Variants in PACRG observed in about 807,000 individuals in gnomAD.
The protein encoded by PACRG is parkin coregulated gene protein.
PACRG carries 29 observed loss-of-function variants against 29.7 expected under a neutral mutation model. The ratio of observed to expected loss-of-function variants is 0.98; its 90% CI spans 0.73 to 1.33. PACRG has a LOEUF of 1.33. PACRG is among the 40% of genes most tolerant of loss of function. The pLI is 0.00. For missense variants in PACRG, 279 were observed against 316.2 expected (o/e 0.88, Z 0.89); for synonymous variants, 116 against 118.7 (o/e 0.98, Z 0.15).
At chr6:162,807,461 T>G (rs1422879108) in intron 1 of PACRG, among the ~76,000 whole-genome samples, 2 of 152,262 alleles carry the variant, frequency 1.3e-5, no homozygotes, top group South Asian at 4.2e-4. Flanking sequence ...TTAGGAGCCA[T>G]GTAGAGTTAT....
chr6:162,979,552 G>T (rs1240888610), intron 2 of PACRG, among the ~76,000 whole-genome samples: 1 of 151,898 alleles, frequency 6.6e-6, no homozygotes, highest in Non-Finnish European at 1.5e-5. Context: ...GTCTACTTTC[G>T]CTTTTGTTGT....
At chr6:163,205,734 T>G (rs1780875984) in intron 4 of PACRG, among the ~76,000 whole-genome samples, 1 of 152,112 alleles carries the variant, frequency 6.6e-6, no homozygotes, top group Non-Finnish European at 1.5e-5. Context: ...ACTAAAGAGC[T>G]TCTGCACAGC....
At chr6:162,961,590 A>G (rs1464162386) in intron 2 of PACRG, among the ~76,000 whole-genome samples, 1 of 152,030 alleles carries the variant, frequency 6.6e-6, no homozygotes, top group East Asian at 1.9e-4. Context: ...ACCACCTCTG[A>G]GTCTACCACA....
At chr6:163,069,241 C>T (rs531056016) in intron 3 of PACRG, among the ~76,000 whole-genome samples, 80 of 149,944 alleles carry the variant, frequency 5.3e-4, no homozygotes, top group Admixed American at 2.2e-3. Context: ...TTTTCAATGC[C>T]CAGACGTCAA....
At chr6:162,907,261 T>C (rs902392867) in intron 2 of PACRG, among the ~76,000 whole-genome samples, 4 of 152,192 alleles carry the variant, frequency 2.6e-5, no homozygotes, top group African/African-American at 9.6e-5. Flanking sequence ...CCCTGTTCTA[T>C]AGTTTAAAAA....
At chr6:163,103,308 A>G (rs1258596415) in intron 4 of PACRG, among the ~76,000 whole-genome samples, 2 of 151,994 alleles carry the variant, frequency 1.3e-5, no homozygotes, top group East Asian at 3.9e-4. Flanking sequence ...AGCAGTGGGG[A>G]GCTCTCAACT....
At chr6:163,199,097 C>T (rs6937505) in intron 4 of PACRG, among the ~76,000 whole-genome samples, 3 of 151,958 alleles carry the variant, frequency 2.0e-5, no homozygotes, top group Non-Finnish European at 4.4e-5. Context: ...GGCCCTAAGC[C>T]GTTCCCAGCT....
In PACRG at chr6:162,777,538, T is replaced by A. The variant is rs996447296; in HGVS notation, c.157-36609T>A. 6.6e-6 allele frequency among the ~76,000 whole-genome samples: 1 copy of A among 152,172 alleles called. No homozygotes were observed. The highest frequency in any genetic ancestry group is 2.4e-5 in the African/African-American group (1 of 41,442). On this transcript the variant is annotated intron_variant, in intron 1 of 4. Transcript: ENST00000366888. The surrounding 1 kb of genome is among the most constrained non-coding windows in gnomAD (Gnocchi z 4.0). ...GGTGAGATGTTGGATTTGGTCATGGTGCTATTTATTGTTATTATTAATTAT... is the reference window on the plus strand; with the variant it reads ...GGTGAGATGTTGGATTTGGTCATGGAGCTATTTATTGTTATTATTAATTAT...
chr6:162,937,966 T>C (rs564131326), intron 2 of PACRG, among the ~76,000 whole-genome samples: 9 of 152,242 alleles, frequency 5.9e-5, no homozygotes, highest in South Asian at 4.2e-4. Context: ...AGTTCTTTAG[T>C]GGTGATTTGT....
chr6:163,083,281 T>G (rs1032069046), intron 3 of PACRG, among the ~76,000 whole-genome samples: 3 of 152,178 alleles, frequency 2.0e-5, no homozygotes, highest in African/African-American at 7.2e-5. Flanking sequence ...CTGATTTGCC[T>G]CCTTTGGAGA....
chr6:162,925,229 A>G (rs995431559), intron 2 of PACRG, among the ~76,000 whole-genome samples: 15 of 152,192 alleles, frequency 9.9e-5, no homozygotes, highest in African/African-American at 3.4e-4. Flanking sequence ...AAATTCTGCT[A>G]GAGGTACAAA....
At chr6:163,185,682 C>G (rs1779885123) in intron 4 of PACRG, among the ~76,000 whole-genome samples, 1 of 152,158 alleles carries the variant, frequency 6.6e-6, no homozygotes, top group African/African-American at 2.4e-5. Context: ...AAAATGCAAG[C>G]GACCACCTTA....
chr6:162,884,800 G>A (rs1051583383), intron 2 of PACRG, among the ~76,000 whole-genome samples: 2 of 152,066 alleles, frequency 1.3e-5, no homozygotes, highest in Non-Finnish European at 2.9e-5. Context: ...GCTCCCCAAT[G>A]ATAAACCTAA....
At chr6:162,910,786 A>C (rs1796248553) in intron 2 of PACRG, among the ~76,000 whole-genome samples, 1 of 152,228 alleles carries the variant, frequency 6.6e-6, no homozygotes, top group Admixed American at 6.5e-5. Flanking sequence ...AGAGGGCAAC[A>C]TGGAAGCAGT....
chr6:163,095,434 G>C (rs1041433116), intron 4 of PACRG: 2 of 984,648 alleles, frequency 2.0e-6, no homozygotes, highest in Admixed American at 6.2e-5. Flanking sequence ...TCTGAAGGCT[G>C]TGTCTTAGCT....
At chr6:162,969,785 G>C (rs1801373237) in intron 2 of PACRG, among the ~76,000 whole-genome samples, 1 of 152,104 alleles carries the variant, frequency 6.6e-6, no homozygotes, top group Non-Finnish European at 1.5e-5. Context: ...TGTAAAGTTG[G>C]CTGAGACCAT....
At chr6:163,103,815 ATT>A (rs1815233574) in intron 4 of PACRG, among the ~76,000 whole-genome samples, 1 of 152,214 alleles carries the variant, frequency 6.6e-6, no homozygotes, top group African/African-American at 2.4e-5. Flanking sequence ...TCGACACTGT[ATT>A]ATTTTTGGAA....
chr6:162,846,795 T>G (rs1363813807), intron 2 of PACRG, among the ~76,000 whole-genome samples: 1 of 152,202 alleles, frequency 6.6e-6, no homozygotes, highest in Non-Finnish European at 1.5e-5. Flanking sequence ...TCAGTTCACA[T>G]TATGCTCCCC....
chr6:163,048,891 C>A (rs1405181915), intron 2 of PACRG, among the ~76,000 whole-genome samples: 2 of 152,046 alleles, frequency 1.3e-5, no homozygotes, highest in African/African-American at 4.8e-5. Flanking sequence ...TTTCTGAAGG[C>A]TTGCTTTCTG....
Sources: gnomAD v4.1 joint callset for allele counts (sites outside exome capture counted in the v4.1 genomes callset) on GRCh38, gnomAD v4.1.1 for gene constraint, Gnocchi (gnomAD v3.1) non-coding constraint, MANE v1.5 for transcripts, NCBI Gene and HGNC (gene_info 2026-07-23, HGNC 2026-07-21) for gene names.